ADAMTS17: variants seen among roughly 807,000 people sequenced by gnomAD.
ADAMTS17 encodes ADAM metallopeptidase with thrombospondin type 1 motif 17.
Under a neutral mutation model 141.5 loss-of-function variants are expected in ADAMTS17, and 113 were observed. That is an observed-to-expected ratio of 0.80 (90% confidence interval 0.69 to 0.93). The LOEUF (loss-of-function observed/expected upper bound fraction) is 0.93, where lower values mean the gene tolerates loss of function less well. Ranked by LOEUF, ADAMTS17 falls within the 40% of genes least tolerant of loss-of-function variation. ADAMTS17 has a pLI of 0.00. For synonymous variants in ADAMTS17, 768 were observed against 630.6 expected, an observed-to-expected ratio of 1.22 and a Z score of -3.27; for missense variants, 1,659 against 1,517.9, an observed-to-expected ratio of 1.09 and a Z score of -1.54.
At chr15:100,192,724 A>C (rs973975090) in intron 8 of ADAMTS17, among the ~76,000 whole-genome samples, 1 of 152,142 alleles carries the variant, frequency 6.6e-6, no homozygotes, top group East Asian at 1.9e-4. Flanking sequence ...AATACAAATC[A>C]CAGACAAGCA....
chr15:100,034,030 C>G (rs978926345), intron 18 of ADAMTS17, among the ~76,000 whole-genome samples: 2 of 152,222 alleles, frequency 1.3e-5, no homozygotes, highest in Non-Finnish European at 2.9e-5. Flanking sequence ...TACACTAGCT[C>G]TATCCAATGG....
At chr15:100,198,710 A>G in intron 8 of ADAMTS17, among the ~76,000 whole-genome samples, 1 of 152,184 alleles carries the variant, frequency 6.6e-6, no homozygotes, top group African/African-American at 2.4e-5. Flanking sequence ...AGATGGTCAC[A>G]ACCTGGGGCC....
intron 15 of ADAMTS17, among the ~76,000 whole-genome samples, chr15:100,062,447 C>G (rs2141662550): frequency 6.6e-6 from 1 of 152,300 alleles, no homozygotes; most frequent in East Asian, 1.9e-4. Context: ...ATCTTAGCGT[C>G]AAAGCATTTC....
chr15:100,217,319 G>GT (rs1352756575), intron 7 of ADAMTS17, among the ~76,000 whole-genome samples: 2 of 152,148 alleles, frequency 1.3e-5, no homozygotes, highest in Non-Finnish European at 2.9e-5. Context: ...AGACCTAAAC[G>GT]TAAGACTGAA....
intron 13 of ADAMTS17, among the ~76,000 whole-genome samples, chr15:100,115,877 T>C (rs1034715396): frequency 2.0e-5 from 3 of 152,132 alleles, no homozygotes; most frequent in Non-Finnish European, 4.4e-5. Flanking sequence ...AGCCAGGCAA[T>C]AGCTGCTTAT....
intron 3 of ADAMTS17, among the ~76,000 whole-genome samples, chr15:100,291,129 T>C (rs2044611541): frequency 6.6e-6 from 1 of 152,086 alleles, no homozygotes; most frequent in Non-Finnish European, 1.5e-5. Context: ...ATATACAGAA[T>C]CTATAAGGAA....
intron 8 of ADAMTS17, among the ~76,000 whole-genome samples, chr15:100,160,972 TTTA>T (rs1327240197): frequency 6.6e-6 from 1 of 152,218 alleles, no homozygotes; most frequent in East Asian, 1.9e-4. Flanking sequence ...TCCCAGGGCA[TTTA>T]TTATTTCTGG....
In ADAMTS17 at chr15:99,991,112, C is replaced by G. The variant is rs939616788; in HGVS notation, c.2949+1936G>C. ...ATACCACTCAGGACATAGGCATGGT[C>G]AAAGACTTTGTGACTAAAACACCAA... On this transcript the variant is annotated intron_variant, in intron 20 of 21. Transcript: ENST00000268070. Among the ~76,000 whole-genome samples the G allele has an allele frequency of 2.0e-5, 3 of 152,180 alleles. No homozygotes were observed. In the East Asian group the frequency reaches 5.8e-4, roughly 29 times the overall value.
intron 20 of ADAMTS17, among the ~76,000 whole-genome samples, chr15:99,986,950 G>A (rs934708619): frequency 2.0e-5 from 3 of 152,324 alleles, no homozygotes; most frequent in East Asian, 1.9e-4. Context: ...AGATGGGAAC[G>A]TGATGTGTGT....
chr15:100,168,229 A>G (rs557823779), intron 8 of ADAMTS17, among the ~76,000 whole-genome samples: 75 of 152,274 alleles, frequency 4.9e-4, no homozygotes, highest in African/African-American at 1.8e-3. Flanking sequence ...GACGGGAGGA[A>G]CCACCTCCTG....
intron 10 of ADAMTS17, among the ~76,000 whole-genome samples, chr15:100,144,777 TCGATGAGAAACGCCA>T (rs761378872): frequency 2.0e-5 from 3 of 150,942 alleles, no homozygotes; most frequent in Non-Finnish European, 4.4e-5. Flanking sequence ...CACACGCGTG[TCGATGAGAAACGCCA>T]CCCCCGAGAC....
At chr15:100,006,380 T>C (rs925158822) in intron 18 of ADAMTS17, among the ~76,000 whole-genome samples, 1 of 152,216 alleles carries the variant, frequency 6.6e-6, no homozygotes. Context: ...TCAATTTCTA[T>C]TTACATCTTG....
At chr15:100,100,884 C>T (rs59013590) in intron 14 of ADAMTS17, among the ~76,000 whole-genome samples, 2 of 152,118 alleles carry the variant, frequency 1.3e-5, no homozygotes, top group African/African-American at 2.4e-5. Context: ...CTTCCTCCCC[C>T]ACTCCAGATG....
intron 15 of ADAMTS17, among the ~76,000 whole-genome samples, chr15:100,076,869 T>A (rs1022607600): frequency 6.6e-6 from 1 of 152,174 alleles, no homozygotes; most frequent in Non-Finnish European, 1.5e-5. Context: ...CATACTACAT[T>A]TGCAATTTTT....
rs2038089437 is a variant in ADAMTS17 at position 100,132,223 on chromosome 15, A to C, written c.1576-71T>G. ...TGCTCACTCCAGCCCGCCAGGCCCC[A>C]AAATGCCGTGCTGCCAAAAACCCAT... is the stretch of plus-strand genomic sequence containing the variant. On this transcript the variant is annotated intron_variant, in intron 11 of 21. Transcript: ENST00000268070. 4 of 1,565,506 alleles carry C rather than the reference A, an allele frequency of 2.6e-6. No individual in the cohort carries two copies. The Admixed American group carries it at 7.2e-5, about 28-fold the overall frequency.
At chr15:100,290,930 T>C (rs1299808538) in intron 3 of ADAMTS17, among the ~76,000 whole-genome samples, 1 of 152,174 alleles carries the variant, frequency 6.6e-6, no homozygotes, top group African/African-American at 2.4e-5. Context: ...ATTCTATACA[T>C]AGGCCCTCCT....
At chr15:100,114,848 G>A (rs2037013221) in intron 13 of ADAMTS17, among the ~76,000 whole-genome samples, 1 of 152,208 alleles carries the variant, frequency 6.6e-6, no homozygotes. Flanking sequence ...AAACAGTCCA[G>A]CCATCCAAAA....
At position 100,323,927 on chromosome 15, in the gene ADAMTS17, G is replaced by C. The variant is rs564876515; in HGVS notation, c.616+6962C>G. On this transcript the variant is annotated intron_variant, in intron 3 of 21. Coordinates refer to ENST00000268070, the MANE Select transcript of ADAMTS17 (RefSeq NM_139057.4). ...GAAAGGAAGGGGTCCCCTATGTCAG[G>C]TCAGTCTGGTGGTTGCTTCCGGGGA... Among the ~76,000 whole-genome samples, 5 of 151,928 alleles carry C rather than the reference G, an allele frequency of 3.3e-5. No homozygotes were observed. The South Asian group carries it at 1.0e-3, about 32-fold the overall frequency.
intron 12 of ADAMTS17, 74 bp downstream of exon 12, chr15:100,131,933 T>A: frequency 1.9e-6 from 3 of 1,605,936 alleles, no homozygotes; most frequent in Non-Finnish European, 2.6e-6. Flanking sequence ...CCCTGCTTTG[T>A]GTGAGGCAGC....
Sources: allele counts gnomAD v4.1 joint callset (sites outside exome capture counted in the v4.1 genomes callset), GRCh38; gene constraint gnomAD v4.1.1; transcripts MANE v1.5; gene names NCBI Gene and HGNC (gene_info 2026-07-23, HGNC 2026-07-21).